The following FGF14 variants were observed in gnomAD, a reference collection of about 807,000 sequenced individuals.
FGF14 encodes fibroblast growth factor 14.
FGF14 carries 5 observed loss-of-function variants against 25.5 expected under a neutral mutation model. The ratio of observed to expected loss-of-function variants is 0.20; its 90% CI spans 0.10 to 0.41. The LOEUF is 0.41. FGF14 is among the 10% of genes least tolerant of loss of function. The pLI is 1.00. For missense variants in FGF14, 222 were observed against 320.1 expected, an observed-to-expected ratio of 0.69 and a Z score of 2.34; for synonymous variants, 138 against 118.3, an observed-to-expected ratio of 1.17 and a Z score of -1.08.
intron 1 of FGF14, among the ~76,000 whole-genome samples, chr13:101,963,709 G>T (rs1367400719): frequency 6.6e-6 from 1 of 152,132 alleles, no homozygotes; most frequent in East Asian, 1.9e-4. Flanking sequence ...TAGCATCATT[G>T]AACTCATTCT....
chr13:101,762,932 A>G (rs916488965), intron 3 of FGF14, among the ~76,000 whole-genome samples: 1 of 152,138 alleles, frequency 6.6e-6, no homozygotes, highest in Non-Finnish European at 1.5e-5. Flanking sequence ...ACACTGCCAT[A>G]GGGAATATCA....
chr13:102,055,902 A>T (rs749743555), intron 1 of FGF14, among the ~76,000 whole-genome samples: 3 of 152,200 alleles, frequency 2.0e-5, no homozygotes, highest in Non-Finnish European at 4.4e-5. Context: ...AAGGCACATC[A>T]TACCTGACAG....
chr13:101,768,476 G>A (rs1391586377), intron 3 of FGF14, among the ~76,000 whole-genome samples: 1 of 152,072 alleles, frequency 6.6e-6, no homozygotes, highest in African/African-American at 2.4e-5. Context: ...TGATACTAAA[G>A]TTTACACGGA....
At chr13:101,727,376 G>A (rs1389804269) in intron 3 of FGF14, among the ~76,000 whole-genome samples, 1 of 152,118 alleles carries the variant, frequency 6.6e-6, no homozygotes, top group African/African-American at 2.4e-5. Context: ...ATGAGGTTAG[G>A]TGTCATGTTA....
At chr13:102,001,715 T>A (rs1481305288) in intron 1 of FGF14, among the ~76,000 whole-genome samples, 1 of 152,154 alleles carries the variant, frequency 6.6e-6, no homozygotes, top group Admixed American at 6.5e-5. Context: ...AAGGCCTAAT[T>A]TCATCTGGAG....
In FGF14 at chr13:101,718,226, ATGTGTGTG is replaced by A; in HGVS notation, c.*4597_*4604del. ...ATTTCTGTCCACTATGTTTGTGTGT[ATGTGTGTG>A]TTTGTGTGTGTATGTGTGGTTTTGA... On this transcript the variant is annotated 3_prime_UTR_variant, in exon 5 of 5. Transcript: ENST00000376143. The A allele has an allele frequency of 6.6e-6, 1 of 152,150 alleles. No individual in the cohort carries two copies. The highest frequency in any genetic ancestry group is 6.5e-5 in the Admixed American group (1 of 15,272). The allele number at this position is 152,150 out of a possible 1,614,324, so 9.4% of individuals were successfully genotyped here.
intron 1 of FGF14, among the ~76,000 whole-genome samples, chr13:102,238,339 T>C (rs531861820): frequency 2.5e-4 from 38 of 152,354 alleles, no homozygotes; most frequent in Middle Eastern, 3.4e-3. Flanking sequence ...ATAAAGAATG[T>C]TTCCATCTTC....
intron 3 of FGF14, among the ~76,000 whole-genome samples, chr13:101,774,207 A>T (rs992619681): frequency 2.6e-5 from 4 of 152,114 alleles, no homozygotes; most frequent in Admixed American, 2.6e-4. Flanking sequence ...TATTTGAAGA[A>T]CTATTTTATT....
intron 1 of FGF14, among the ~76,000 whole-genome samples, chr13:102,118,376 T>A (rs2045568644): frequency 8.1e-6 from 1 of 123,636 alleles, no homozygotes; most frequent in African/African-American, 3.5e-5. Context: ...TAAAAATAAT[T>A]TTTTTAAACT....
intron 3 of FGF14, among the ~76,000 whole-genome samples, chr13:101,753,884 A>G (rs1425985071): frequency 6.6e-6 from 1 of 152,200 alleles, no homozygotes; most frequent in African/African-American, 2.4e-5. Flanking sequence ...AAAGCTCAAA[A>G]AACATCCTTT....
intron 1 of FGF14, among the ~76,000 whole-genome samples, chr13:101,966,081 T>C (rs943028586): frequency 6.6e-6 from 1 of 152,206 alleles, no homozygotes; most frequent in Non-Finnish European, 1.5e-5. Flanking sequence ...CTGGATTGAA[T>C]TGTGCCCACT....
intron 1 of FGF14, among the ~76,000 whole-genome samples, chr13:102,256,899 T>A (rs1363343732): frequency 6.6e-6 from 1 of 152,222 alleles, no homozygotes; most frequent in Non-Finnish European, 1.5e-5. Flanking sequence ...TAATTGGTCA[T>A]GAATTGAAAA....
chr13:101,971,839 A>G (rs1343278410), intron 1 of FGF14, among the ~76,000 whole-genome samples: 1 of 152,254 alleles, frequency 6.6e-6, no homozygotes, highest in East Asian at 1.9e-4. Flanking sequence ...GCTGTCCCTT[A>G]TAAAATCAAG....
At chr13:101,920,148 ATG>A (rs1401401601), upstream of FGF14, among the ~76,000 whole-genome samples, 1 of 152,252 alleles carries the variant, frequency 6.6e-6, no homozygotes, top group Non-Finnish European at 1.5e-5. Context: ...TGATAAAAGA[ATG>A]TGCAAAGCTA....
intron 1 of FGF14, among the ~76,000 whole-genome samples, chr13:102,334,720 T>A (rs535017336): frequency 6.6e-6 from 1 of 152,220 alleles, no homozygotes; most frequent in Non-Finnish European, 1.5e-5. Flanking sequence ...TAGAAATAAT[T>A]TGGCTTTCTA....
At chr13:102,243,050 C>G (rs1035031509) in intron 1 of FGF14, among the ~76,000 whole-genome samples, 4 of 152,064 alleles carry the variant, frequency 2.6e-5, no homozygotes, top group Admixed American at 6.6e-5. Context: ...TGTACTCCAC[C>G]ATTCCTTTTT....
intron 1 of FGF14, chr13:102,046,085 C>T (rs1327471952): frequency 6.5e-6 from 1 of 154,284 alleles, no homozygotes; most frequent in Non-Finnish European, 1.5e-5. Flanking sequence ...CCACTTCTTG[C>T]ACAAGAAAAA....
At chr13:101,913,515 C>T (rs1237873117) in intron 1 of FGF14, among the ~76,000 whole-genome samples, 1 of 151,996 alleles carries the variant, frequency 6.6e-6, no homozygotes, top group Non-Finnish European at 1.5e-5. Context: ...TAAAACCCTA[C>T]ATTTCAAAAA....
chr13:102,118,167 A>G (rs1246866555), intron 1 of FGF14, among the ~76,000 whole-genome samples: 1 of 152,092 alleles, frequency 6.6e-6, no homozygotes, highest in Admixed American at 6.6e-5. Context: ...ATGTTGAAAT[A>G]TTAATTTTGA....
Sources: gnomAD v4.1 joint callset for allele counts (sites outside exome capture counted in the v4.1 genomes callset) on GRCh38, gnomAD v4.1.1 for gene constraint, MANE v1.5 for transcripts, NCBI Gene and HGNC (gene_info 2026-07-23, HGNC 2026-07-21) for gene names.